LYPD6: variants seen among roughly 807,000 people sequenced by gnomAD.
The protein encoded by LYPD6 is ly6/PLAUR domain-containing protein 6.
LYPD6 carries 15 observed loss-of-function variants against 22.7 expected under a neutral mutation model. The ratio of observed to expected loss-of-function variants is 0.66; its 90% CI spans 0.44 to 1.02. The LOEUF is 1.02. LYPD6 is among the 50% of genes least tolerant of loss of function. The pLI, the probability that LYPD6 is intolerant of heterozygous loss-of-function variation, is 0.00. For missense variants in LYPD6, 189 were observed against 208.4 expected, an observed-to-expected ratio of 0.91 and a Z score of 0.57; for synonymous variants, 72 against 77.5, an observed-to-expected ratio of 0.93 and a Z score of 0.37.
chr2:149,387,314 T>C (rs1051184295), intron 1 of LYPD6, among the ~76,000 whole-genome samples: 12 of 152,340 alleles, frequency 7.9e-5, no homozygotes, highest in Admixed American at 5.9e-4. Context: ...TTTAGTCTTC[T>C]TGATACTTTT....
intron 1 of LYPD6, among the ~76,000 whole-genome samples, chr2:149,363,608 T>C (rs1039239226): frequency 6.6e-6 from 1 of 152,204 alleles, no homozygotes; most frequent in Admixed American, 6.6e-5. Flanking sequence ...ATCAGTTGGC[T>C]CTGTAAATGT....
chr2:149,461,125 T>A (rs1681078272), intron 3 of LYPD6, among the ~76,000 whole-genome samples: 1 of 151,638 alleles, frequency 6.6e-6, no homozygotes, highest in Non-Finnish European at 1.5e-5. Flanking sequence ...AATCAGGAAA[T>A]AATAATGATA....
At chr2:149,440,629 G>A (rs1238537778) in intron 2 of LYPD6, among the ~76,000 whole-genome samples, 1 of 146,988 alleles carries the variant, frequency 6.8e-6, no homozygotes. Flanking sequence ...TGTGTAAATT[G>A]TTGTTAGAGT....
chr2:149,379,649 A>G (rs1682015808), intron 1 of LYPD6, among the ~76,000 whole-genome samples: 1 of 152,218 alleles, frequency 6.6e-6, no homozygotes, highest in South Asian at 2.1e-4. Context: ...CCCTGAGCTC[A>G]GCTGTGTCTC....
At chr2:149,398,752 G>T (rs571300877) in intron 1 of LYPD6, among the ~76,000 whole-genome samples, 3 of 152,222 alleles carry the variant, frequency 2.0e-5, no homozygotes, top group South Asian at 2.1e-4. Flanking sequence ...AACATAAGGG[G>T]ACTCAGCCAC....
At chr2:149,411,315 T>A (rs899549909) in intron 1 of LYPD6, among the ~76,000 whole-genome samples, 3 of 152,280 alleles carry the variant, frequency 2.0e-5, no homozygotes, top group African/African-American at 4.8e-5. Flanking sequence ...TTTTTTTTTT[T>A]TATAAACAGG....
chr2:149,376,283 G>A (rs1446064517), intron 1 of LYPD6, among the ~76,000 whole-genome samples: 1 of 152,150 alleles, frequency 6.6e-6, no homozygotes, highest in Non-Finnish European at 1.5e-5. Flanking sequence ...GCTTTCTGGT[G>A]GTTAACTTGC....
At chr2:149,433,520 A>G (rs1186532783) in intron 1 of LYPD6, among the ~76,000 whole-genome samples, 1 of 152,202 alleles carries the variant, frequency 6.6e-6, no homozygotes, top group Non-Finnish European at 1.5e-5. Flanking sequence ...CCTGGCTGCA[A>G]AGCAGGAACT....
intron 1 of LYPD6, among the ~76,000 whole-genome samples, chr2:149,355,549 T>C (rs2105062906): frequency 6.6e-6 from 1 of 152,342 alleles, no homozygotes; most frequent in East Asian, 1.9e-4. Flanking sequence ...AGATGTTGGC[T>C]TTAAGACCCG....
At chr2:149,405,687 C>G (rs556880785) in intron 1 of LYPD6, among the ~76,000 whole-genome samples, 1 of 152,238 alleles carries the variant, frequency 6.6e-6, no homozygotes, top group Non-Finnish European at 1.5e-5. Context: ...AAAACCAGCT[C>G]CTGGATTCAT....
At chr2:149,402,506 A>G (rs1035914231) in intron 1 of LYPD6, among the ~76,000 whole-genome samples, 1 of 152,136 alleles carries the variant, frequency 6.6e-6, no homozygotes, top group Non-Finnish European at 1.5e-5. Context: ...TCCCACTAAC[A>G]GTGTAGACGT....
At chr2:149,426,894 C>T (rs532463654) in intron 1 of LYPD6, among the ~76,000 whole-genome samples, 1 of 152,176 alleles carries the variant, frequency 6.6e-6, no homozygotes, top group South Asian at 2.1e-4. Context: ...TCATGCCAGC[C>T]CTCTAAAATG....
intron 3 of LYPD6, among the ~76,000 whole-genome samples, chr2:149,454,921 C>T (rs1490436470): frequency 6.6e-6 from 1 of 152,142 alleles, no homozygotes; most frequent in Non-Finnish European, 1.5e-5. Context: ...TGCTCCCAGT[C>T]CCCTTGAGAC....
chr2:149,396,345 C>T (rs1682429058), intron 1 of LYPD6, among the ~76,000 whole-genome samples: 1 of 151,860 alleles, frequency 6.6e-6, no homozygotes, highest in African/African-American at 2.4e-5. Context: ...AAAGTCACAC[C>T]AAGAACTTCA....
At chr2:149,362,315 T>G (rs1490946914) in intron 1 of LYPD6, among the ~76,000 whole-genome samples, 1 of 152,150 alleles carries the variant, frequency 6.6e-6, no homozygotes, top group African/African-American at 2.4e-5. Flanking sequence ...ACAAATTTAT[T>G]TAATAAATTT....
chr2:149,347,069 T>C (rs1573732015), intron 1 of LYPD6, among the ~76,000 whole-genome samples: 1 of 152,246 alleles, frequency 6.6e-6, no homozygotes, highest in East Asian at 1.9e-4. Context: ...GCAGGTCTGG[T>C]GTCTGGTGAC....
At chr2:149,397,245 A>G (rs902401346) in intron 1 of LYPD6, among the ~76,000 whole-genome samples, 1 of 152,126 alleles carries the variant, frequency 6.6e-6, no homozygotes, top group Non-Finnish European at 1.5e-5. Flanking sequence ...GGGGGCTGTC[A>G]TGGTTGGAGT....
intron 3 of LYPD6, among the ~76,000 whole-genome samples, chr2:149,458,037 T>C (rs2105171524): frequency 6.6e-6 from 1 of 152,250 alleles, no homozygotes; most frequent in South Asian, 2.1e-4. Context: ...AAAGATAACT[T>C]TTAGACAATA....
intron 1 of LYPD6, among the ~76,000 whole-genome samples, chr2:149,385,298 T>A (rs1431997078): frequency 6.6e-6 from 1 of 152,176 alleles, no homozygotes; most frequent in African/African-American, 2.4e-5. Flanking sequence ...CTATTTAACA[T>A]GTGGCATTCA....
Sources: allele counts gnomAD v4.1 joint callset (sites outside exome capture counted in the v4.1 genomes callset), GRCh38; gene constraint gnomAD v4.1.1; transcripts MANE v1.5; gene names NCBI Gene and HGNC (gene_info 2026-07-23, HGNC 2026-07-21).